DPEP1: variants seen among roughly 807,000 people sequenced by gnomAD.
DPEP1 encodes the protein beta-lactamase.
A neutral mutation model predicts 42.3 loss-of-function variants in DPEP1; 50 were observed. That is an observed-to-expected ratio of 1.18 (90% CI 0.94 to 1.50). DPEP1 has a LOEUF of 1.50. DPEP1 is among the 40% of genes most tolerant of loss of function. The pLI, the probability that DPEP1 is intolerant of heterozygous loss-of-function variation, is 0.00. For missense variants in DPEP1, 663 were observed against 553.0 expected (o/e 1.20, Z -1.99); for synonymous variants, 297 against 234.0 (o/e 1.27, Z -2.46).
chr16:89,630,962 G>T (rs1443620421), intron 2 of DPEP1, among the ~76,000 whole-genome samples: 2 of 152,034 alleles, frequency 1.3e-5, no homozygotes, highest in African/African-American at 4.8e-5. Flanking sequence ...GCGGATGAAG[G>T]TCTGCAGGGA....
downstream of DPEP1, among the ~76,000 whole-genome samples, chr16:89,640,795 C>A (rs1159836530): frequency 6.6e-6 from 1 of 152,064 alleles, no homozygotes; most frequent in Non-Finnish European, 1.5e-5. Flanking sequence ...GACGAGCGAT[C>A]ATAGAAATAA....
Position 89,628,202 on chromosome 16 carries a change from G to A in DPEP1, c.-106-2103G>A, listed in dbSNP as rs371429618. Among the ~76,000 whole-genome samples, 85 of 151,394 alleles carry A rather than the reference G, an allele frequency of 5.6e-4. No homozygotes were observed. In the East Asian group the frequency reaches 7.0e-3, roughly 13 times the overall value. ...CTCCCACAGTGCTGGGATTACAGGCGTGAGCCACCACACCCGGCCACAAAA... is the reference window on the plus strand; with the variant it reads ...CTCCCACAGTGCTGGGATTACAGGCATGAGCCACCACACCCGGCCACAAAA... On this transcript the variant is annotated intron_variant, in intron 1 of 10. Transcript: ENST00000690203.
chr16:89,614,689 G>A (rs1447774910), intron 1 of DPEP1, among the ~76,000 whole-genome samples: 2 of 152,214 alleles, frequency 1.3e-5, no homozygotes, highest in African/African-American at 2.4e-5. Flanking sequence ...CAGCTACTCG[G>A]GAGGCTGAAG....
downstream of DPEP1, among the ~76,000 whole-genome samples, chr16:89,639,531 C>T (rs2059728825): frequency 7.4e-6 from 1 of 135,706 alleles, no homozygotes; most frequent in Non-Finnish European, 1.6e-5. Context: ...ACACACACCC[C>T]CACCTCTGCA....
chr16:89,626,904 G>T (rs2059520567), intron 1 of DPEP1, among the ~76,000 whole-genome samples: 1 of 151,140 alleles, frequency 6.6e-6, no homozygotes, highest in Non-Finnish European at 1.5e-5. Flanking sequence ...GATCACTTGG[G>T]GTCAGGAGTT....
chr16:89,616,848 G>T, intron 1 of DPEP1: 1 of 236,218 alleles, frequency 4.2e-6, no homozygotes. Context: ...ACAGGAAGTG[G>T]CCAGGAAGCA....
At chr16:89,631,253 C>G (rs1036061504) in intron 2 of DPEP1, among the ~76,000 whole-genome samples, 3 of 152,110 alleles carry the variant, frequency 2.0e-5, no homozygotes, top group Non-Finnish European at 2.9e-5. Flanking sequence ...CCCGACCTCG[C>G]TGGGGCACCT....
intron 2 of DPEP1, among the ~76,000 whole-genome samples, chr16:89,631,427 C>T (rs972228587): frequency 1.3e-5 from 2 of 152,192 alleles, no homozygotes; most frequent in Non-Finnish European, 2.9e-5. Flanking sequence ...ACACTGGCTC[C>T]GCGTTGGGGT....
intron 1 of DPEP1, among the ~76,000 whole-genome samples, chr16:89,628,727 C>T (rs776233387): frequency 1.6e-4 from 25 of 151,992 alleles, no homozygotes; most frequent in Non-Finnish European, 3.4e-4. Flanking sequence ...GAGTCCAGGG[C>T]TGTGTAGATA....
chr16:89,635,887 C>G, intron 2 of DPEP1, 21 bp from the exon 3 acceptor site: 1 of 1,576,404 alleles, frequency 6.3e-7, no homozygotes, highest in Non-Finnish European at 8.6e-7. Flanking sequence ...GACTGCCTGG[C>G]CTCTCCCCGG....
downstream of DPEP1, among the ~76,000 whole-genome samples, chr16:89,641,381 T>A (rs1030359409): frequency 6.6e-6 from 1 of 152,214 alleles, no homozygotes; most frequent in Admixed American, 6.5e-5. Context: ...AGCCCTCTAG[T>A]GGCCCTGTCC....
At chr16:89,620,153 G>T (rs2059430854) in intron 1 of DPEP1, among the ~76,000 whole-genome samples, 1 of 152,014 alleles carries the variant, frequency 6.6e-6, no homozygotes, top group South Asian at 2.1e-4. Context: ...ATCCTCGATT[G>T]TGGCTGGGGA....
chr16:89,627,743 C>T (rs2059534193), intron 1 of DPEP1, among the ~76,000 whole-genome samples: 1 of 143,636 alleles, frequency 7.0e-6, no homozygotes, highest in African/African-American at 2.6e-5. Context: ...TCACTGCAAC[C>T]TCCGCCTCCC....
chr16:89,613,897 C>T (rs569404862), intron 1 of DPEP1, among the ~76,000 whole-genome samples, 178 bp downstream of exon 1: 84 of 147,570 alleles, frequency 5.7e-4, no homozygotes, highest in Non-Finnish European at 7.6e-4. Context: ...CGGCAGGGGA[C>T]GGGGCGGCTT....
downstream of DPEP1, chr16:89,640,568 A>G (rs1225599809): frequency 1.0e-6 from 1 of 984,660 alleles, no homozygotes. Context: ...ACTTATCAAT[A>G]ATCGTTCTGT....
At chr16:89,640,075 C>T (rs557379301), downstream of DPEP1, among the ~76,000 whole-genome samples, 18 of 152,316 alleles carry the variant, frequency 1.2e-4, no homozygotes, top group Non-Finnish European at 2.4e-4. Context: ...CAGGGACAGA[C>T]GTGGTCCAGG....
At chr16:89,637,099 G>A (rs2059691269) in intron 6 of DPEP1, 105 bp from the exon 7 acceptor site, 3 of 1,534,452 alleles carry the variant, frequency 2.0e-6, no homozygotes, top group Non-Finnish European at 2.6e-6. Context: ...AGTGGCCCCG[G>A]ACTTCCAGCC....
At chr16:89,631,373 A>G (rs1366633495) in intron 2 of DPEP1, among the ~76,000 whole-genome samples, 1 of 152,014 alleles carries the variant, frequency 6.6e-6, no homozygotes, top group East Asian at 1.9e-4. Context: ...CTGGGTCACC[A>G]TGGAGGCCTC....
Position 89,637,269 on chromosome 16 carries a change from C to T in DPEP1, c.657C>T (p.Thr219=). 1 of 1,612,742 alleles carries T rather than the reference C, an allele frequency of 6.2e-7. No individual in the cohort carries two copies. The highest frequency in any genetic ancestry group is 8.5e-7 in the Non-Finnish European group (1 of 1,179,964). ...LIDLAHVSVA[T]MKATLQLSRA... ...ACTTGGCTCACGTGTCTGTGGCCAC[C>T]ATGAAGGCCACCCTGCAGCTGTCCA... The change falls in exon 7 of 11, where the codon ACC becomes ACT. Residue 219 remains threonine, a synonymous_variant. Coordinates refer to ENST00000690203, the MANE Select transcript of DPEP1 (RefSeq NM_001389466.1).
Sources: gnomAD v4.1 joint callset for allele counts (sites outside exome capture counted in the v4.1 genomes callset) on GRCh38, gnomAD v4.1.1 for gene constraint, MANE v1.5 for transcripts, NCBI Gene and HGNC (gene_info 2026-07-23, HGNC 2026-07-21) for gene names.